The following KCTD10 variants were observed in gnomAD, a reference collection of about 807,000 sequenced individuals.
KCTD10 encodes BTB/POZ domain-containing adapter for CUL3-mediated RhoA degradation protein 3.
A neutral mutation model predicts 34.6 loss-of-function variants in KCTD10; 13 were observed. The observed-to-expected ratio is 0.38, with a 90% CI of 0.24 to 0.60. The LOEUF (loss-of-function observed/expected upper bound fraction) is 0.60, where lower values mean the gene tolerates loss of function less well. KCTD10 is among the 20% of genes least tolerant of loss of function. The probability of loss-of-function intolerance (pLI) is 0.66; values close to 1 mark genes in which losing one functional copy is unlikely to be tolerated. For synonymous variants in KCTD10, 156 were observed against 168.8 expected (o/e 0.92, Z 0.59); for missense variants, 256 against 420.3 (o/e 0.61, Z 3.42).
At chr12:109,462,748 C>T (rs1421219707) in intron 2 of KCTD10, among the ~76,000 whole-genome samples, 1 of 152,166 alleles carries the variant, frequency 6.6e-6, no homozygotes. Context: ...CATGCAATGC[C>T]AGAAACCCAG....
intron 2 of KCTD10, among the ~76,000 whole-genome samples, chr12:109,465,627 G>T (rs1592843900): frequency 6.6e-6 from 1 of 152,180 alleles, no homozygotes; most frequent in Non-Finnish European, 1.5e-5. Context: ...GCACAAAGGG[G>T]CCCCACAGGT....
At position 109,448,777 on chromosome 12, in the gene KCTD10, T is replaced by C. The variant is rs966763004; in HGVS notation, c.*2818A>G. ...CAGAAAGGTTAATGACACACTTAAC[T>C]GTTACAGTGACTTTGGGTAGGGCCC... On this transcript the variant is annotated 3_prime_UTR_variant, in exon 7 of 7. Transcript: ENST00000228495. 6.6e-6 allele frequency: 1 copy of C among 152,256 alleles called. No individual in the cohort carries two copies. Among genetic ancestry groups the C allele is most frequent in the Non-Finnish European group, 1.5e-5 (1 of 68,054 alleles). The allele number at this position is 152,256 out of a possible 1,614,324, so 9.4% of individuals were successfully genotyped here.
chr12:109,467,876 G>A (rs983905986), intron 2 of KCTD10, among the ~76,000 whole-genome samples: 8 of 152,168 alleles, frequency 5.3e-5, no homozygotes, highest in Non-Finnish European at 1.5e-5. Flanking sequence ...GGACAGAGGA[G>A]TCCGTTTCTT....
chr12:109,451,303 T>G lies in KCTD10; in HGVS notation c.*292A>C. 2 of 411,736 alleles carry G rather than the reference T, an allele frequency of 4.9e-6. No homozygotes were observed. Among genetic ancestry groups the G allele is most frequent in the East Asian group, 8.3e-5 (2 of 24,064 alleles). The allele number at this position is 411,736 out of a possible 1,614,324, so 25.5% of individuals were successfully genotyped here. A position where few individuals can be genotyped will look rare whatever the true frequency, so the allele number is the denominator to read the frequency against. On this transcript the variant is annotated 3_prime_UTR_variant, in exon 7 of 7. Coordinates refer to ENST00000228495, the MANE Select transcript of KCTD10 (RefSeq NM_031954.5). The surrounding 1 kb of genome is among the most constrained non-coding windows in gnomAD (Gnocchi z 5.0). ...AAAAGTTCTCACATACACTTCACAC[T>G]CATTCATACTTTTCCTCTGAGAACC...
chr12:109,470,214 A>G, intron 1 of KCTD10: 1 of 986,492 alleles, frequency 1.0e-6, no homozygotes, highest in Non-Finnish European at 1.2e-6. Context: ...ATAGCTAGCT[A>G]AGTGTCATTT....
chr12:109,471,218 T>C (rs1873871076), intron 1 of KCTD10: 1 of 985,290 alleles, frequency 1.0e-6, no homozygotes, highest in Admixed American at 6.1e-5. Flanking sequence ...GTTATTTTTG[T>C]AAATGGGACT....
rs751042686 is a variant in KCTD10, at chr12:109,469,632, C to T, written c.100G>A (p.Val34Met). 4 of 1,614,192 alleles carry T rather than the reference C, an allele frequency of 2.5e-6. No homozygotes were observed. The highest frequency in any genetic ancestry group is 3.4e-6 in the Non-Finnish European group (4 of 1,180,030). The change falls in exon 2 of 7, where the codon GTG becomes ATG. Residue 34 changes from valine (V) to methionine (M), a missense_variant. Transcript: ENST00000228495. ...AGGGCTCCACCCACATTCAGCTTCACGTATTTGGAGCTGGGGCTCGTGCCC... is the reference window on the plus strand; with the variant it reads ...AGGGCTCCACCCACATTCAGCTTCATGTATTTGGAGCTGGGGCTCGTGCCC... Reference protein sequence around the residue: ...FKGTSPSSKYVKLNVGGALYY... With the variant: ...FKGTSPSSKYMKLNVGGALYY...
At position 109,469,647 on chromosome 12, in the gene KCTD10, G is replaced by T; in HGVS notation, c.85C>A (p.Pro29Thr). The T allele has an allele frequency of 6.2e-7, 1 of 1,614,202 alleles. No individual in the cohort carries two copies. Among genetic ancestry groups the T allele is most frequent in the Non-Finnish European group, 8.5e-7 (1 of 1,180,044 alleles). The change falls in exon 2 of 7, where the codon CCC becomes ACC. Residue 29 changes from proline to threonine, a missense_variant. Transcript: ENST00000228495. ...TRTTSFKGTS[P>T]SSKYVKLNVG... ...TTCAGCTTCACGTATTTGGAGCTGG[G>T]GCTCGTGCCCTTGAAGGAAGTGGTG...
At position 109,463,278 on chromosome 12, in the gene KCTD10, C is replaced by T. The variant is rs562631428; in HGVS notation, c.218-2473G>A. On this transcript the variant is annotated intron_variant, in intron 2 of 6. Transcript: ENST00000228495. ...AGTTCCCATAAATGAACAGGCAGAC[C>T]GTGACACTGGGCTCCGGCTCAAGAA... Among the ~76,000 whole-genome samples the T allele has an allele frequency of 2.0e-4, 30 of 152,264 alleles. No individual in the cohort carries two copies. The East Asian group carries it at 5.2e-3, about 26-fold the overall frequency.
At chr12:109,457,748 T>C in intron 4 of KCTD10, 66 bp from the exon 5 acceptor site, 2 of 1,516,632 alleles carry the variant, frequency 1.3e-6, no homozygotes, top group South Asian at 1.1e-5. Context: ...AACTACTAGC[T>C]TCCCATAGGG....
chr12:109,456,380 C>A lies in KCTD10; in HGVS notation c.528-67G>T, dbSNP rs184072748. The stretch of plus-strand genomic sequence containing the variant: ...AACTGCCATCATTTGCTGGGCCCTT[C>A]TACACGCAGGGCCCTACTGAGCCCA... On this transcript the variant is annotated intron_variant, in intron 5 of 6. Transcript: ENST00000228495. 3.3e-5 allele frequency: 48 copies of A among 1,443,140 alleles called. No homozygotes were observed. In the East Asian group the frequency reaches 1.0e-3, roughly 31 times the overall value. 89.4% of individuals were successfully genotyped at this position (1,443,140 alleles called of 1,614,324 possible). A position where few individuals can be genotyped will look rare whatever the true frequency, so the allele number is the denominator to read the frequency against.
chr12:109,471,314 G>A, intron 1 of KCTD10: 2 of 985,390 alleles, frequency 2.0e-6, no homozygotes, highest in Non-Finnish European at 2.4e-6. Flanking sequence ...AACTCTTCTG[G>A]CCAACTCTCC....
At position 109,460,765 on chromosome 12, in the gene KCTD10, C is replaced by T. The variant is rs143408771; in HGVS notation, c.258G>A (p.Thr86=). The change falls in exon 3 of 7, where the codon ACG becomes ACA. Residue 86 remains threonine, a synonymous_variant. Transcript: ENST00000228495. The surrounding 1 kb of genome is among the most constrained non-coding windows in gnomAD (Gnocchi z 4.5). ...CCCCGTCTCGAAGGTAGTTGAGTAT[C>T]GTACCAAAGTGCTTCCCACAGCGGT... The part of the protein sequence containing the change: ...LIDRCGKHFG[T]ILNYLRDGAV... The T allele has an allele frequency of 1.9e-4, 313 of 1,614,204 alleles. 1 individual carries two copies. The African/African-American group carries it at 3.6e-3, about 19-fold the overall frequency.
intron 2 of KCTD10, among the ~76,000 whole-genome samples, chr12:109,467,754 A>C (rs1436062899): frequency 3.3e-5 from 5 of 152,122 alleles, no homozygotes. Flanking sequence ...GTGTCCCCCG[A>C]GAACCTGTGT....
intron 5 of KCTD10, chr12:109,457,365 T>C (rs1233806706): frequency 2.8e-6 from 1 of 358,502 alleles, no homozygotes; most frequent in Non-Finnish European, 5.1e-6. Context: ...TAGATAGTCG[T>C]TATGGCCTCA....
intron 2 of KCTD10, among the ~76,000 whole-genome samples, chr12:109,468,791 T>C (rs1029004166): frequency 2.0e-5 from 3 of 151,942 alleles, no homozygotes; most frequent in Non-Finnish European, 4.4e-5. Flanking sequence ...TAGCTGGGAC[T>C]ACAGGCACCC....
At chr12:109,470,559 A>T in intron 1 of KCTD10, 1 of 985,458 alleles carries the variant, frequency 1.0e-6, no homozygotes, top group Non-Finnish European at 1.2e-6. Context: ...GTAAAACTGT[A>T]GAGGTGGAGA....
At chr12:109,469,045 T>G (rs1873742325) in intron 2 of KCTD10, 1 of 176,810 alleles carries the variant, frequency 5.7e-6, no homozygotes, top group Admixed American at 5.5e-5. Context: ...CACACACACA[T>G]ATACACACAT....
intron 1 of KCTD10, chr12:109,470,597 G>C (rs1227961943): frequency 2.0e-6 from 2 of 985,318 alleles, no homozygotes; most frequent in Non-Finnish European, 2.4e-6. Flanking sequence ...AATCTTTGCT[G>C]AATCTGGGGT....
Sources: allele counts gnomAD v4.1 joint callset (sites outside exome capture counted in the v4.1 genomes callset), GRCh38; gene constraint gnomAD v4.1.1; non-coding constraint Gnocchi (gnomAD v3.1); transcripts MANE v1.5; gene names NCBI Gene and HGNC (gene_info 2026-07-23, HGNC 2026-07-21).